MED15: variants seen among roughly 807,000 people sequenced by gnomAD.
The protein encoded by MED15 is mediator complex subunit 15, also known as mediator of RNA polymerase II transcription subunit 15.
MED15 carries 41 observed loss-of-function variants against 118.7 expected under a neutral mutation model. The ratio of observed to expected loss-of-function variants is 0.35; its 90% CI spans 0.27 to 0.45. The LOEUF (loss-of-function observed/expected upper bound fraction) is 0.45, where lower values mean the gene tolerates loss of function less well. MED15 is among the 20% of genes least tolerant of loss of function. MED15 has a pLI of 1.00. For missense variants in MED15, 740 were observed against 1,025.5 expected (o/e 0.72, Z 3.80); for synonymous variants, 436 against 413.9 (o/e 1.05, Z -0.65).
intron 1 of MED15, among the ~76,000 whole-genome samples, chr22:20,511,701 C>T (rs944580088): frequency 2.6e-5 from 4 of 151,938 alleles, no homozygotes; most frequent in South Asian, 4.2e-4. Flanking sequence ...CCAGTTCAGC[C>T]TCTTAGCCCT....
In MED15 at chr22:20,575,243, G is replaced by A; in HGVS notation, c.1272+11G>A. The A allele has an allele frequency of 6.2e-7, 1 of 1,612,768 alleles. No homozygotes were observed. The highest frequency in any genetic ancestry group is 8.5e-7 in the Non-Finnish European group (1 of 1,179,898). Reference sequence around the variant, plus strand: ...CAGCCCATGGCACAGGTATTTACGGGGCAGCGCCCAGGGCACGGCTGGGAG... The same window carrying A: ...CAGCCCATGGCACAGGTATTTACGGAGCAGCGCCCAGGGCACGGCTGGGAG... On this transcript the variant is annotated intron_variant, in intron 9 of 17. Transcript: ENST00000263205.
chr22:20,574,712 C>G (rs958901103), intron 8 of MED15: 1 of 173,484 alleles, frequency 5.8e-6, no homozygotes. Context: ...GTGGAATGTA[C>G]TCTTGACATC....
At chr22:20,526,678 G>C (rs898868852) in intron 1 of MED15, among the ~76,000 whole-genome samples, 1 of 152,098 alleles carries the variant, frequency 6.6e-6, no homozygotes, top group Non-Finnish European at 1.5e-5. Context: ...CTCAGTGCTA[G>C]TGAGCTGTCA....
At chr22:20,555,521 G>GCAC (rs1405282513) in intron 5 of MED15, among the ~76,000 whole-genome samples, 1 of 152,200 alleles carries the variant, frequency 6.6e-6, no homozygotes, top group Non-Finnish European at 1.5e-5. Context: ...CGAGCTCTGG[G>GCAC]CACCATCTCT....
At chr22:20,526,591 C>G (rs2054653931) in intron 1 of MED15, among the ~76,000 whole-genome samples, 1 of 152,238 alleles carries the variant, frequency 6.6e-6, no homozygotes, top group African/African-American at 2.4e-5. Context: ...CTTTTCAACA[C>G]TATGCCCAGT....
chr22:20,508,501 G>C (rs1423697745), intron 1 of MED15: 1 of 1,019,274 alleles, frequency 9.8e-7, no homozygotes, highest in Non-Finnish European at 1.3e-6. Flanking sequence ...TCCGAAAAGA[G>C]AGTCAGCGAA....
At chr22:20,511,010 C>T (rs890482885) in intron 1 of MED15, among the ~76,000 whole-genome samples, 2 of 152,066 alleles carry the variant, frequency 1.3e-5, no homozygotes, top group Admixed American at 6.6e-5. Context: ...CTCTAGGGTT[C>T]ACTTTCTCTC....
At chr22:20,555,335 G>C (rs571331532) in intron 5 of MED15, among the ~76,000 whole-genome samples, 187 bp downstream of exon 5, 8 of 152,166 alleles carry the variant, frequency 5.3e-5, no homozygotes, top group African/African-American at 1.7e-4. Context: ...CTCCCAGAAG[G>C]GTTAAGTGAT....
chr22:20,580,840 A>G (rs563558816), intron 9 of MED15, among the ~76,000 whole-genome samples: 3 of 152,318 alleles, frequency 2.0e-5, no homozygotes, highest in African/African-American at 7.2e-5. Context: ...GCATTTAGCA[A>G]ATGAAGTCAC....
In MED15 at chr22:20,514,627, A is replaced by G. The variant is rs367952600; in HGVS notation, c.68+6881A>G. 9.9e-4 allele frequency among the ~76,000 whole-genome samples: 151 copies of G among 152,300 alleles called. 1 individual carries two copies. Among genetic ancestry groups the G allele is most frequent in the African/African-American group, 3.5e-3 (146 of 41,562 alleles). The stretch of plus-strand genomic sequence containing the variant: ...GGGGCTTAGGGGGAGCATGGAATGG[A>G]GCTGGAACTGCCAGGTCAGCCACCT... On this transcript the variant is annotated intron_variant, in intron 1 of 17. Transcript: ENST00000263205.
chr22:20,536,467 G>T (rs576932029), intron 1 of MED15, among the ~76,000 whole-genome samples: 1 of 152,308 alleles, frequency 6.6e-6, no homozygotes, highest in East Asian at 1.9e-4. Flanking sequence ...CTCTTCATAG[G>T]ATTCTATCTC....
At chr22:20,579,958 T>C (rs1235575110) in intron 9 of MED15, among the ~76,000 whole-genome samples, 2 of 152,112 alleles carry the variant, frequency 1.3e-5, no homozygotes, top group African/African-American at 4.8e-5. Context: ...CTAATGCCAG[T>C]TGTGTCTTCA....
chr22:20,579,327 C>T (rs1009372064), intron 9 of MED15, among the ~76,000 whole-genome samples: 4 of 152,164 alleles, frequency 2.6e-5, no homozygotes, highest in Non-Finnish European at 5.9e-5. Flanking sequence ...CAGGGCCTGG[C>T]TTCCTGCTCT....
chr22:20,510,311 G>A (rs1444596314), intron 1 of MED15, among the ~76,000 whole-genome samples: 1 of 152,114 alleles, frequency 6.6e-6, no homozygotes, highest in Non-Finnish European at 1.5e-5. Flanking sequence ...GCTTGAACCC[G>A]GGAGGCGGAG....
At position 20,564,672 on chromosome 22, in the gene MED15, A is replaced by G. The variant is rs1388416928; in HGVS notation, c.674A>G (p.His225Arg). 6.2e-7 allele frequency: 1 copy of G among 1,614,238 alleles called. No individual in the cohort carries two copies. Among genetic ancestry groups the G allele is most frequent in the East Asian group, 2.2e-5 (1 of 44,894 alleles). The change falls in exon 6 of 18, where the codon CAT becomes CGT. Residue 225 changes from histidine to arginine, a missense_variant. Physicochemically the swap from His to Arg is conservative, Grantham distance 29. Around this residue, in one of 7 missense-constraint regions of MED15, gnomAD observed 384 missense variants for 506.3 expected, o/e 0.76. Transcript: ENST00000263205. ...CAGCAGCATCTAATTAAATTGCATC[A>G]TCAAAATCAGCAACAGGTACCAGGT... The part of the protein sequence containing the change: ...QQQQHLIKLH[H>R]QNQQQIQQQQ...
Position 20,564,700 on chromosome 22 carries a change from C to T in MED15, c.690+12C>T, listed in dbSNP as rs199741222. ...AAAATCAGCAACAGGTACCAGGTCC[C>T]CTGTTCCTGCTCTTGGCCTCCCTCC... On this transcript the variant is annotated intron_variant, in intron 6 of 17. Transcript: ENST00000263205. 1.6e-5 allele frequency: 26 copies of T among 1,614,082 alleles called. 1 individual carries two copies. The African/African-American group carries it at 3.5e-4, about 22-fold the overall frequency.
At chr22:20,546,689 G>A (rs1013338688) in intron 2 of MED15, among the ~76,000 whole-genome samples, 1 of 152,086 alleles carries the variant, frequency 6.6e-6, no homozygotes, top group South Asian at 2.1e-4. Context: ...TCAGGGCTGT[G>A]TATCTGGGGT....
At position 20,525,632 on chromosome 22, in the gene MED15, G is replaced by T. The variant is rs1348583155; in HGVS notation, c.69-11485G>T. 2.7e-5 allele frequency among the ~76,000 whole-genome samples: 4 copies of T among 150,280 alleles called. No homozygotes were observed. In the East Asian group the frequency reaches 8.0e-4, roughly 30 times the overall value. On this transcript the variant is annotated intron_variant, in intron 1 of 17. Coordinates refer to ENST00000263205, the MANE Select transcript of MED15 (RefSeq NM_001003891.3). ...GCTCACTGCAAACTCCACCTCCCGG[G>T]TTCAAGTGATTCTCCTGCCTCAGCC...
At chr22:20,585,080 G>A (rs758170575) in intron 15 of MED15, 21 bp from the exon 16 acceptor site, 1 of 1,613,450 alleles carries the variant, frequency 6.2e-7, no homozygotes, top group Non-Finnish European at 8.5e-7. Flanking sequence ...GCCAGGTGTG[G>A]TCACCATGCC....
Sources: gnomAD v4.1 joint callset for allele counts (sites outside exome capture counted in the v4.1 genomes callset) on GRCh38, gnomAD v4.1.1 for gene constraint, gnomAD v4.1.1 regional missense constraint, MANE v1.5 for transcripts, NCBI Gene and HGNC (gene_info 2026-07-23, HGNC 2026-07-21) for gene names.